SLC35D4: variants seen among roughly 807,000 people sequenced by gnomAD.
SLC35D4 encodes solute carrier family 35 member D4.
chr18:23,337,226 C>T, the SLC35D4 span, among the ~76,000 whole-genome samples: 1 of 152,136 alleles, frequency 6.6e-6, no homozygotes, highest in Non-Finnish European at 1.5e-5. Flanking sequence ...GTAATCCCAG[C>T]ACTTTGGGAG....
the SLC35D4 span, among the ~76,000 whole-genome samples, chr18:23,281,726 A>T: frequency 6.6e-6 from 1 of 152,230 alleles, no homozygotes; most frequent in Non-Finnish European, 1.5e-5. Flanking sequence ...AATCACAAAG[A>T]AAGTCACCAG....
chr18:23,303,829 G>A, the SLC35D4 span, among the ~76,000 whole-genome samples: 1 of 151,938 alleles, frequency 6.6e-6, no homozygotes, highest in Non-Finnish European at 1.5e-5. Flanking sequence ...TGAACCCAGG[G>A]AGATGGAGGT....
the SLC35D4 span, among the ~76,000 whole-genome samples, chr18:23,376,054 A>G: frequency 6.6e-5 from 10 of 152,316 alleles, no homozygotes; most frequent in Admixed American, 3.3e-4. Flanking sequence ...TTAACTACTG[A>G]CTATTCCATC....
the SLC35D4 span, among the ~76,000 whole-genome samples, chr18:23,407,398 A>G: frequency 6.6e-6 from 1 of 152,224 alleles, no homozygotes; most frequent in African/African-American, 2.4e-5. Flanking sequence ...TAAAAACACC[A>G]TAAAGAAAAT....
At chr18:23,413,896 A>T in the SLC35D4 span, among the ~76,000 whole-genome samples, 1 of 151,154 alleles carries the variant, frequency 6.6e-6, no homozygotes, top group Non-Finnish European at 1.5e-5. Context: ...GTGAGCCAAG[A>T]CCATCCCACT....
chr18:23,311,269 G>C, the SLC35D4 span, among the ~76,000 whole-genome samples: 1 of 151,922 alleles, frequency 6.6e-6, no homozygotes, highest in Non-Finnish European at 1.5e-5. Flanking sequence ...TTTAATATTT[G>C]TTTGTAGAGA....
At chr18:23,414,331 A>AAGGAAGGAAGGCAGGCAGGC in the SLC35D4 span, among the ~76,000 whole-genome samples, 34 of 140,554 alleles carry the variant, frequency 2.4e-4, no homozygotes, top group African/African-American at 8.2e-4. Flanking sequence ...GGAAGGAAGG[A>AAGGAAGGAAGGCAGGCAGGC]AGGCAGGCAG....
the SLC35D4 span, among the ~76,000 whole-genome samples, chr18:23,275,552 G>A: frequency 6.6e-6 from 1 of 151,102 alleles, no homozygotes; most frequent in Non-Finnish European, 1.5e-5. Flanking sequence ...AAATGGAGCG[G>A]GACAGGTCCT....
At chr18:23,392,129 G>A in the SLC35D4 span, among the ~76,000 whole-genome samples, 2 of 151,794 alleles carry the variant, frequency 1.3e-5, no homozygotes, top group Non-Finnish European at 2.9e-5. Context: ...GTAGAGACGG[G>A]GTTTTGCCAC....
At chr18:23,394,261 G>C in the SLC35D4 span, among the ~76,000 whole-genome samples, 2 of 152,200 alleles carry the variant, frequency 1.3e-5, no homozygotes, top group Non-Finnish European at 2.9e-5. Flanking sequence ...TCATAGGTGT[G>C]AAGTGGTATC....
chr18:23,238,974 G>A, the SLC35D4 span, among the ~76,000 whole-genome samples: 11 of 152,316 alleles, frequency 7.2e-5, no homozygotes, highest in South Asian at 2.1e-3. Flanking sequence ...ACACTATTTC[G>A]ATGTTGGCGG....
At chr18:23,332,916 A>G in the SLC35D4 span, among the ~76,000 whole-genome samples, 2 of 152,182 alleles carry the variant, frequency 1.3e-5, no homozygotes, top group African/African-American at 4.8e-5. Flanking sequence ...AGAGAATGAG[A>G]TTCTTACCCA....
the SLC35D4 span, among the ~76,000 whole-genome samples, chr18:23,275,364 G>A: frequency 6.6e-6 from 1 of 152,144 alleles, no homozygotes; most frequent in African/African-American, 2.4e-5. Context: ...TCTAGGTGCA[G>A]CCTTGGACCT....
At chr18:23,294,042 C>T in the SLC35D4 span, among the ~76,000 whole-genome samples, 1 of 152,234 alleles carries the variant, frequency 6.6e-6, no homozygotes, top group East Asian at 1.9e-4. Context: ...ATCAATCCTC[C>T]CACCTCAGCC....
At chr18:23,355,240 T>C in the SLC35D4 span, among the ~76,000 whole-genome samples, 4 of 152,196 alleles carry the variant, frequency 2.6e-5, no homozygotes, top group Non-Finnish European at 5.9e-5. Context: ...TGTTGCATTA[T>C]GAGAAAGTTG....
chr18:23,347,595 AT>A, the SLC35D4 span, among the ~76,000 whole-genome samples: 1 of 151,822 alleles, frequency 6.6e-6, no homozygotes. Context: ...ATCATTTAAA[AT>A]TTTTTTCTTG....
At chr18:23,380,806 G>A in the SLC35D4 span, among the ~76,000 whole-genome samples, 1 of 151,306 alleles carries the variant, frequency 6.6e-6, no homozygotes, top group Non-Finnish European at 1.5e-5. Flanking sequence ...ATGTGTGCAT[G>A]AGTGTGTGTG....
the SLC35D4 span, chr18:23,259,955 A>T: frequency 6.6e-6 from 1 of 150,700 alleles, no homozygotes; most frequent in African/African-American, 2.4e-5. Flanking sequence ...TCCTTGGGAT[A>T]ATACTAGCCG....
chr18:23,373,740 G>A, the SLC35D4 span: 1 of 1,613,696 alleles, frequency 6.2e-7, no homozygotes, highest in Non-Finnish European at 8.5e-7. Context: ...AAGGCATCCT[G>A]CTGCGGCCAG....
Sources: allele counts gnomAD v4.1 joint callset (sites outside exome capture counted in the v4.1 genomes callset), GRCh38; gene constraint gnomAD v4.1.1; transcripts MANE v1.5; gene names NCBI Gene and HGNC (gene_info 2026-07-23, HGNC 2026-07-21).